Variants in CDH8 observed in about 807,000 individuals in gnomAD.
CDH8 encodes the protein cadherin-8.
CDH8 carries 17 observed loss-of-function variants against 68.1 expected under a neutral mutation model. The ratio of observed to expected loss-of-function variants is 0.25; its 90% CI spans 0.17 to 0.37. The LOEUF (loss-of-function observed/expected upper bound fraction) is 0.37. CDH8 is among the 10% of genes least tolerant of loss of function. The pLI, the probability that CDH8 is intolerant of heterozygous loss-of-function variation, is 1.00. For missense variants in CDH8, 763 were observed against 999.3 expected (o/e 0.76, Z 3.19); for synonymous variants, 372 against 365.1 (o/e 1.02, Z -0.21).
chr16:61,681,706 T>C (rs1331738360), intron 10 of CDH8, among the ~76,000 whole-genome samples: 1 of 151,870 alleles, frequency 6.6e-6, no homozygotes, highest in Non-Finnish European at 1.5e-5. Flanking sequence ...ACTTAAAATT[T>C]TGAGAGTAAA....
chr16:61,838,755 C>A (rs1314356223), intron 4 of CDH8, among the ~76,000 whole-genome samples: 2 of 152,056 alleles, frequency 1.3e-5, no homozygotes, highest in African/African-American at 4.8e-5. Flanking sequence ...AAGAAAAAAT[C>A]ATTTTATGCA....
At chr16:61,655,402 T>C in intron 11 of CDH8, 68 bp downstream of exon 11, 1 of 1,462,906 alleles carries the variant, frequency 6.8e-7, no homozygotes, top group East Asian at 2.5e-5. Context: ...CAGAGTTTTC[T>C]GTCCTTATTT....
intron 2 of CDH8, among the ~76,000 whole-genome samples, chr16:61,965,794 A>G (rs1005917351): frequency 6.6e-5 from 10 of 152,178 alleles, no homozygotes; most frequent in Non-Finnish European, 1.5e-4. Context: ...AACTAGGTCT[A>G]CTCATTTGAA....
intron 8 of CDH8, among the ~76,000 whole-genome samples, chr16:61,788,305 G>T (rs16963955): frequency 0.031 from 4,697 of 152,096 alleles, 231 homozygotes; most frequent in African/African-American, 0.11. Flanking sequence ...TTAGCTGCCA[G>T]ACAGTGAGTG....
At chr16:61,789,068 T>A (rs1294005958) in intron 8 of CDH8, among the ~76,000 whole-genome samples, 2 of 152,094 alleles carry the variant, frequency 1.3e-5, no homozygotes, top group Non-Finnish European at 2.9e-5. Context: ...TTATACTAAA[T>A]CTTTTCCTCT....
At chr16:61,822,292 T>G (rs1962235685) in intron 5 of CDH8, among the ~76,000 whole-genome samples, 1 of 141,586 alleles carries the variant, frequency 7.1e-6, no homozygotes, top group Non-Finnish European at 1.5e-5. Flanking sequence ...CACTGGCATT[T>G]ATTGGTCCCA....
At chr16:62,018,973 G>A (rs1428999622) in intron 2 of CDH8, among the ~76,000 whole-genome samples, 4 of 152,090 alleles carry the variant, frequency 2.6e-5, no homozygotes, top group Non-Finnish European at 5.9e-5. Context: ...GCAACCCCAC[G>A]TTAATTACTT....
chr16:61,869,902 C>T (rs915880690), intron 3 of CDH8, among the ~76,000 whole-genome samples: 2 of 152,184 alleles, frequency 1.3e-5, no homozygotes, highest in African/African-American at 4.8e-5. Flanking sequence ...ATTCAAGACT[C>T]TTAGATGGAA....
At chr16:61,737,588 A>G (rs1403177657) in intron 8 of CDH8, among the ~76,000 whole-genome samples, 3 of 152,200 alleles carry the variant, frequency 2.0e-5, no homozygotes, top group Admixed American at 2.0e-4. Flanking sequence ...TTTTGCCCAT[A>G]AATGGCATAT....
At chr16:61,851,551 T>C (rs1962937689) in intron 4 of CDH8, among the ~76,000 whole-genome samples, 1 of 152,030 alleles carries the variant, frequency 6.6e-6, no homozygotes, top group Non-Finnish European at 1.5e-5. Context: ...GTTTTCTCAC[T>C]GCTGTCCTCA....
chr16:61,919,076 G>A (rs1301841863), intron 2 of CDH8, among the ~76,000 whole-genome samples: 1 of 146,290 alleles, frequency 6.8e-6, no homozygotes. Context: ...ACACGGCAGG[G>A]TATTCCAACA....
At chr16:61,700,887 T>C (rs1332153749) in intron 10 of CDH8, among the ~76,000 whole-genome samples, 1 of 152,142 alleles carries the variant, frequency 6.6e-6, no homozygotes, top group African/African-American at 2.4e-5. Context: ...AGAAGAGCAG[T>C]TTTTGAATGT....
At chr16:61,889,130 G>A (rs541482530) in intron 3 of CDH8, among the ~76,000 whole-genome samples, 30 of 152,246 alleles carry the variant, frequency 2.0e-4, no homozygotes, top group South Asian at 8.3e-4. Flanking sequence ...GTGATACATA[G>A]CTATATATTT....
intron 2 of CDH8, among the ~76,000 whole-genome samples, chr16:61,934,771 G>A (rs1205735699): frequency 6.6e-6 from 1 of 152,046 alleles, no homozygotes; most frequent in African/African-American, 2.4e-5. Flanking sequence ...TTCAAGACAC[G>A]CTTGTAGAAT....
At chr16:61,708,696 T>C (rs1377395553) in intron 10 of CDH8, among the ~76,000 whole-genome samples, 1 of 152,236 alleles carries the variant, frequency 6.6e-6, no homozygotes, top group Non-Finnish European at 1.5e-5. Context: ...CATAAATGTC[T>C]TTTTATCAAC....
At position 61,816,334 on chromosome 16, in the gene CDH8, C is replaced by A. The variant is rs147533373; in HGVS notation, c.1277+1145G>T. ...TAATCTCAGCCTCATAGTCTCAGCACCCTTGTGAGTAACAGGAATTTAATA... is the reference window on the plus strand; with the variant it reads ...TAATCTCAGCCTCATAGTCTCAGCAACCTTGTGAGTAACAGGAATTTAATA... On this transcript the variant is annotated intron_variant, in intron 7 of 11. Coordinates refer to ENST00000577390, the MANE Select transcript of CDH8 (RefSeq NM_001796.5). Among the ~76,000 whole-genome samples, 789 of 152,208 alleles carry A rather than the reference C, an allele frequency of 5.2e-3. 7 individuals carry two copies. Among genetic ancestry groups the A allele is most frequent in the East Asian group, 0.03 (156 of 5,158 alleles).
chr16:61,756,937 G>A (rs1308460882), intron 8 of CDH8, among the ~76,000 whole-genome samples: 1 of 152,046 alleles, frequency 6.6e-6, no homozygotes, highest in Non-Finnish European at 1.5e-5. Flanking sequence ...GGCCCCTATA[G>A]ACCCCTGCAG....
In CDH8 at chr16:61,969,426, C is replaced by T. The variant is rs1464810180; in HGVS notation, c.252+51726G>A. Among the ~76,000 whole-genome samples, 3 of 152,280 alleles carry T rather than the reference C, an allele frequency of 2.0e-5. No homozygotes were observed. In the East Asian group the frequency reaches 5.8e-4, roughly 29 times the overall value. ...TAGTGCTTACATTTTATTTTGAAAT[C>T]CATGACAGAATATCCAGAGTGCAGA... is the stretch of plus-strand genomic sequence containing the variant. On this transcript the variant is annotated intron_variant, in intron 2 of 11. Coordinates refer to ENST00000577390, the MANE Select transcript of CDH8 (RefSeq NM_001796.5).
chr16:61,950,341 C>T (rs1444155782), intron 2 of CDH8, among the ~76,000 whole-genome samples: 1 of 152,132 alleles, frequency 6.6e-6, no homozygotes, highest in African/African-American at 2.4e-5. Context: ...AGAAAGACAA[C>T]TTCAGGGAAA....
Sources: allele counts gnomAD v4.1 joint callset (sites outside exome capture counted in the v4.1 genomes callset), GRCh38; gene constraint gnomAD v4.1.1; transcripts MANE v1.5; gene names NCBI Gene and HGNC (gene_info 2026-07-23, HGNC 2026-07-21).